IGF1R: variants seen among roughly 807,000 people sequenced by gnomAD.
IGF1R encodes the protein insulin like growth factor 1 receptor, also known as insulin-like growth factor 1 receptor.
In IGF1R, 44 loss-of-function variants were observed where a neutral mutation model predicts 144.6. That is an observed-to-expected ratio of 0.30 (90% CI 0.24 to 0.39). The LOEUF (loss-of-function observed/expected upper bound fraction) is 0.39, where lower values mean the gene tolerates loss of function less well. IGF1R is among the 10% of genes least tolerant of loss of function. The pLI is 1.00. For synonymous variants in IGF1R, 795 were observed against 722.8 expected, an observed-to-expected ratio of 1.10 and a Z score of -1.60; for missense variants, 1,355 against 1,833.7, an observed-to-expected ratio of 0.74 and a Z score of 4.77.
intron 2 of IGF1R, among the ~76,000 whole-genome samples, chr15:98,741,505 A>G (rs530949506): frequency 6.6e-6 from 1 of 152,214 alleles, no homozygotes; most frequent in African/African-American, 2.4e-5. Context: ...GTCATGTTGG[A>G]AAATAGCATC....
chr15:98,749,107 C>T (rs142611129), intron 2 of IGF1R, among the ~76,000 whole-genome samples: 1 of 150,926 alleles, frequency 6.6e-6, no homozygotes, highest in East Asian at 1.9e-4. Flanking sequence ...TATTTCTTTC[C>T]TTGTTTAAAA....
At chr15:98,818,926 A>T (rs892512085) in intron 2 of IGF1R, among the ~76,000 whole-genome samples, 1 of 152,178 alleles carries the variant, frequency 6.6e-6, no homozygotes, top group African/African-American at 2.4e-5. Flanking sequence ...CCTGAAGGGA[A>T]TGGAGACTGG....
chr15:98,695,845 C>T (rs886266379), intron 1 of IGF1R, among the ~76,000 whole-genome samples: 43 of 152,230 alleles, frequency 2.8e-4, no homozygotes, highest in African/African-American at 1.0e-3. Context: ...CCTTTGTGTG[C>T]TGGGTTTCTG....
chr15:98,960,759 T>C lies in IGF1R; in HGVS notation c.*3317T>C. On this transcript the variant is annotated 3_prime_UTR_variant, in exon 21 of 21. Transcript: ENST00000650285. ...TCCTGACCTCACAGCCAGTCCCTGATAGAACACACGCAGGAGCAGAGTCCC... is the reference window on the plus strand; with the variant it reads ...TCCTGACCTCACAGCCAGTCCCTGACAGAACACACGCAGGAGCAGAGTCCC... The C allele has an allele frequency of 4.3e-6, 1 of 233,678 alleles. No individual in the cohort carries two copies. 14.5% of individuals were successfully genotyped at this position (233,678 alleles called of 1,614,324 possible). A position where few individuals can be genotyped will look rare whatever the true frequency, so the allele number is the denominator to read the frequency against.
Position 98,913,050 on chromosome 15 carries a change from T to TA in IGF1R, c.1598dup (p.Asn534GlufsTer6). On this transcript the variant is annotated frameshift_variant, in exon 8 of 21. Coordinates refer to ENST00000650285, the MANE Select transcript of IGF1R (RefSeq NM_000875.5). LOFTEE classifies it high-confidence loss of function. ...GAACTTAATTGTCTTTCAGACCCTT[T>TA]AAGAATGTCACAGAGTATGATGGGC... 1 of 1,612,646 alleles carries TA rather than the reference T, an allele frequency of 6.2e-7. No homozygotes were observed. Among genetic ancestry groups the TA allele is most frequent in the Non-Finnish European group, 8.5e-7 (1 of 1,178,586 alleles).
rs116856776 is a variant in IGF1R at position 98,947,284 on chromosome 15, T to G, written c.3588-1290T>G. The stretch of plus-strand genomic sequence containing the variant: ...CTTTTAGTATCAATTTGTACAAAAA[T>G]CTTTGATTCACCGAAAGTAGCTGAA... On this transcript the variant is annotated intron_variant, in intron 19 of 20. Coordinates refer to ENST00000650285, the MANE Select transcript of IGF1R (RefSeq NM_000875.5). Among the ~76,000 whole-genome samples the G allele has an allele frequency of 1.7e-3, 257 of 152,364 alleles. 3 individuals are homozygous for G. In the East Asian group the frequency reaches 0.031, roughly 19 times the overall value.
chr15:98,929,709 T>A (rs1421777113), intron 14 of IGF1R, 49 bp downstream of exon 14: 2 of 1,217,430 alleles, frequency 1.6e-6, no homozygotes, highest in South Asian at 2.4e-5. Flanking sequence ...AGTGGTTTGA[T>A]GATTTGAATG....
Position 98,895,300 on chromosome 15 carries a change from T to C in IGF1R, c.954-1457T>C, listed in dbSNP as rs115123804. On this transcript the variant is annotated intron_variant, in intron 3 of 20. Transcript: ENST00000650285. ...ATTTCCAGGTTTGATACTTATATCATGTAAGATGTAGTAAACATTGGAGGA... is the reference window on the plus strand; with the variant it reads ...ATTTCCAGGTTTGATACTTATATCACGTAAGATGTAGTAAACATTGGAGGA... 8.1e-3 allele frequency among the ~76,000 whole-genome samples: 1,236 copies of C among 151,920 alleles called. 13 individuals carry two copies. The highest frequency in any genetic ancestry group is 0.029 in the African/African-American group (1,189 of 41,346).
At chr15:98,944,771 AAG>A (rs1297414168) in intron 19 of IGF1R, among the ~76,000 whole-genome samples, 3 of 152,234 alleles carry the variant, frequency 2.0e-5, no homozygotes, top group African/African-American at 7.2e-5. Context: ...AGCTTCTGCT[AAG>A]AGGTTTCCTT....
intron 2 of IGF1R, among the ~76,000 whole-genome samples, chr15:98,795,355 A>C (rs1185219994): frequency 6.6e-6 from 1 of 152,198 alleles, no homozygotes; most frequent in Non-Finnish European, 1.5e-5. Context: ...TAAAAACTTA[A>C]AAATACACAA....
Position 98,935,017 on chromosome 15 carries a change from A to G in IGF1R, c.3150A>G (p.Glu1050=). 3 of 1,614,112 alleles carry G rather than the reference A, an allele frequency of 1.9e-6. No homozygotes were observed. The highest frequency in any genetic ancestry group is 2.5e-6 in the Non-Finnish European group (3 of 1,180,002). The change falls in exon 16 of 21, where the codon GAA becomes GAG. Residue 1050 remains glutamate (E), a synonymous_variant. Transcript: ENST00000650285. The surrounding 1 kb of genome is among the most constrained non-coding windows in gnomAD (Gnocchi z 4.2). ...GTGAGAGGATTGAGTTTCTCAACGAAGCTTCTGTGATGAAGGAGTTCAATT... is the reference window on the plus strand; with the variant it reads ...GTGAGAGGATTGAGTTTCTCAACGAGGCTTCTGTGATGAAGGAGTTCAATT... ...SMRERIEFLN[E]ASVMKEFNCH...
intron 19 of IGF1R, among the ~76,000 whole-genome samples, chr15:98,948,128 G>A (rs1261769626): frequency 6.6e-6 from 1 of 152,204 alleles, no homozygotes; most frequent in Non-Finnish European, 1.5e-5. Flanking sequence ...AAGCTTGACT[G>A]TCCCAGGCCT....
intron 2 of IGF1R, among the ~76,000 whole-genome samples, chr15:98,822,267 C>G (rs7174707): frequency 0.019 from 2,952 of 152,176 alleles, 102 homozygotes; most frequent in African/African-American, 0.067. Flanking sequence ...CGCCCTACCT[C>G]GAAGGCCCGG....
intron 1 of IGF1R, among the ~76,000 whole-genome samples, chr15:98,688,068 A>G (rs1367175383): frequency 6.6e-6 from 1 of 152,112 alleles, no homozygotes; most frequent in Non-Finnish European, 1.5e-5. Context: ...GGGGAGTTTG[A>G]GTCCCAGTGA....
intron 2 of IGF1R, among the ~76,000 whole-genome samples, chr15:98,890,923 G>C (rs1396599880): frequency 6.6e-6 from 1 of 152,244 alleles, no homozygotes; most frequent in Non-Finnish European, 1.5e-5. Context: ...AGTGAGCAGA[G>C]CACAATGCCT....
intron 2 of IGF1R, among the ~76,000 whole-genome samples, chr15:98,864,224 C>T (rs1278166040): frequency 6.6e-6 from 1 of 152,198 alleles, no homozygotes; most frequent in Non-Finnish European, 1.5e-5. Context: ...CCCTGCTCTC[C>T]AGCCTGGACA....
chr15:98,950,018 G>T (rs1303113397), intron 20 of IGF1R, among the ~76,000 whole-genome samples: 1 of 152,232 alleles, frequency 6.6e-6, no homozygotes, highest in South Asian at 2.1e-4. Flanking sequence ...TTCAGAGATT[G>T]ATCTGGATCT....
At chr15:98,755,855 CTCAT>C (rs1261403340) in intron 2 of IGF1R, among the ~76,000 whole-genome samples, 9 of 147,872 alleles carry the variant, frequency 6.1e-5, no homozygotes, top group Non-Finnish European at 1.2e-4. Context: ...GTTGTGTATA[CTCAT>C]TCATGTTTTA....
intron 2 of IGF1R, among the ~76,000 whole-genome samples, chr15:98,852,473 GC>G (rs2011573929): frequency 6.6e-6 from 1 of 152,248 alleles, no homozygotes; most frequent in South Asian, 2.1e-4. Flanking sequence ...TTTCCGCGGG[GC>G]CCGGGCAGCG....
Sources: gnomAD v4.1 joint callset for allele counts (sites outside exome capture counted in the v4.1 genomes callset) on GRCh38, gnomAD v4.1.1 for gene constraint, Gnocchi (gnomAD v3.1) non-coding constraint, MANE v1.5 for transcripts, NCBI Gene and HGNC (gene_info 2026-07-23, HGNC 2026-07-21) for gene names.